ASTN2: variants seen among roughly 807,000 people sequenced by gnomAD.
ASTN2 encodes the protein astrotactin 2.
Under a neutral mutation model 139.8 loss-of-function variants are expected in ASTN2, and 54 were observed. That is an observed-to-expected ratio of 0.39 (90% CI 0.31 to 0.48). The LOEUF (loss-of-function observed/expected upper bound fraction) is 0.48. Ranked by LOEUF, ASTN2 falls within the 20% of genes least tolerant of loss-of-function variation. ASTN2 has a pLI of 0.95. For missense variants in ASTN2, 1,565 were observed against 1,725.1 expected, an observed-to-expected ratio of 0.91 and a Z score of 1.64; for synonymous variants, 756 against 719.5, an observed-to-expected ratio of 1.05 and a Z score of -0.81.
intron 16 of ASTN2, among the ~76,000 whole-genome samples, chr9:116,715,534 C>CA (rs1828288778): frequency 6.6e-6 from 1 of 152,096 alleles, no homozygotes; most frequent in Admixed American, 6.6e-5. Flanking sequence ...TCTTTTCCTC[C>CA]AGGAAGACTT....
At chr9:117,071,323 G>T (rs1387469868) in intron 5 of ASTN2, among the ~76,000 whole-genome samples, 1 of 151,804 alleles carries the variant, frequency 6.6e-6, no homozygotes, top group South Asian at 2.1e-4. Context: ...TAGGCTGCTC[G>T]GGGGTCAGGG....
intron 3 of ASTN2, among the ~76,000 whole-genome samples, chr9:117,161,110 T>A (rs1830540800): frequency 6.6e-6 from 1 of 152,064 alleles, no homozygotes; most frequent in Non-Finnish European, 1.5e-5. Flanking sequence ...TGCCAGAATA[T>A]CTCAAGTCTC....
Position 116,618,609 on chromosome 9 carries a change from C to CA in ASTN2, c.3207-138dup. On this transcript the variant is annotated intron_variant, in intron 18 of 22. Coordinates refer to ENST00000313400, the MANE Select transcript of ASTN2 (RefSeq NM_001365068.1). ...GATTCCACCCATGATCGCCAACTTG[C>CA]ATGACCGTAGGCAAGTTATTTCCCC... 2.9e-6 allele frequency: 3 copies of CA among 1,047,386 alleles called. No homozygotes were observed. The South Asian group carries it at 5.4e-5, about 19-fold the overall frequency. The allele number at this position is 1,047,386 out of a possible 1,614,324, so 64.9% of individuals were successfully genotyped here.
At chr9:117,335,961 C>T (rs569756339) in intron 1 of ASTN2, among the ~76,000 whole-genome samples, 1 of 151,120 alleles carries the variant, frequency 6.6e-6, no homozygotes, top group Admixed American at 6.6e-5. Flanking sequence ...TTTAGCAATG[C>T]TCATAAATCC....
intron 4 of ASTN2, among the ~76,000 whole-genome samples, chr9:117,115,486 G>A (rs1286129234): frequency 6.6e-6 from 1 of 152,080 alleles, no homozygotes; most frequent in African/African-American, 2.4e-5. Context: ...TCATGCCACT[G>A]TACTCCAGCC....
At chr9:116,535,429 G>A (rs184019138) in intron 19 of ASTN2, among the ~76,000 whole-genome samples, 7 of 152,228 alleles carry the variant, frequency 4.6e-5, no homozygotes, top group East Asian at 3.9e-4. Flanking sequence ...TATTTTGTTT[G>A]TTAGTTGATG....
chr9:117,172,965 G>A (rs940596993), intron 3 of ASTN2, among the ~76,000 whole-genome samples: 4 of 151,990 alleles, frequency 2.6e-5, no homozygotes, highest in Non-Finnish European at 2.9e-5. Flanking sequence ...CTAAGCATTC[G>A]CAGTTACCTA....
At chr9:116,623,147 CTGTGTGTGTGTG>C (rs10527124) in intron 17 of ASTN2, among the ~76,000 whole-genome samples, 8,256 of 137,066 alleles carry the variant, frequency 0.06, 266 homozygotes, top group African/African-American at 0.064. Flanking sequence ...AGAGCATACT[CTGTGTGTGTGTG>C]TGTGTGTGTG....
chr9:117,060,395 A>C (rs1218659654), intron 5 of ASTN2, among the ~76,000 whole-genome samples: 1 of 79,018 alleles, frequency 1.3e-5, no homozygotes, highest in Non-Finnish European at 2.4e-5. Flanking sequence ...AGAAAGAAAG[A>C]AAGAAAGAAA....
intron 20 of ASTN2, among the ~76,000 whole-genome samples, chr9:116,480,907 C>A (rs974963342): frequency 6.6e-6 from 1 of 152,156 alleles, no homozygotes; most frequent in Non-Finnish European, 1.5e-5. Flanking sequence ...GGCCATCCCA[C>A]GTGTCACTGC....
At chr9:117,102,598 C>T (rs1481166097) in intron 4 of ASTN2, among the ~76,000 whole-genome samples, 6 of 152,184 alleles carry the variant, frequency 3.9e-5, no homozygotes, top group Admixed American at 1.3e-4. Context: ...TCTCAGCTCA[C>T]TTCAACCTCT....
chr9:117,344,221 G>C (rs1829147907), intron 1 of ASTN2, among the ~76,000 whole-genome samples: 1 of 152,088 alleles, frequency 6.6e-6, no homozygotes, highest in Non-Finnish European at 1.5e-5. Context: ...GCATTAACAG[G>C]AGAATATTAA....
chr9:117,242,004 C>CT lies in ASTN2; in HGVS notation c.631-27263dup, dbSNP rs10579284. Among the ~76,000 whole-genome samples the CT allele has an allele frequency of 2.3e-3, 96 of 42,494 alleles. 3 individuals are homozygous for CT. Among genetic ancestry groups the CT allele is most frequent in the African/African-American group, 8.2e-3 (91 of 11,164 alleles). The allele number at this position is 42,494 out of a possible 152,430, so 27.9% of individuals were successfully genotyped here. A position where few individuals can be genotyped will look rare whatever the true frequency, so the allele number is the denominator to read the frequency against. On this transcript the variant is annotated intron_variant, in intron 2 of 22. Coordinates refer to ENST00000313400, the MANE Select transcript of ASTN2 (RefSeq NM_001365068.1). The stretch of plus-strand genomic sequence containing the variant: ...ACAGTGAAAACTTTCTTTGGCAAGT[C>CT]TTTTTTTTTTTTTTTTTTTTTTTTT...
intron 5 of ASTN2, among the ~76,000 whole-genome samples, chr9:117,051,437 C>G (rs1336759191): frequency 6.6e-6 from 1 of 152,124 alleles, no homozygotes; most frequent in Non-Finnish European, 1.5e-5. Context: ...ATCTAGATAT[C>G]AGAGCTCCTA....
chr9:117,067,689 G>T (rs1827993894), intron 5 of ASTN2, among the ~76,000 whole-genome samples: 1 of 127,328 alleles, frequency 7.9e-6, no homozygotes, highest in Non-Finnish European at 1.7e-5. Flanking sequence ...TCCTTGAGCA[G>T]TGGTTTGTAG....
At chr9:117,130,590 C>A (rs1829804576) in intron 4 of ASTN2, among the ~76,000 whole-genome samples, 1 of 152,106 alleles carries the variant, frequency 6.6e-6, no homozygotes, top group South Asian at 2.1e-4. Context: ...TGGGATGAAT[C>A]TTAATTTTTT....
intron 14 of ASTN2, among the ~76,000 whole-genome samples, chr9:116,731,733 T>C (rs903796122): frequency 2.6e-5 from 4 of 152,110 alleles, no homozygotes; most frequent in African/African-American, 9.7e-5. Flanking sequence ...CCATACCCTA[T>C]ATTTTAGAGG....
At chr9:116,665,462 A>C (rs909021312) in intron 16 of ASTN2, among the ~76,000 whole-genome samples, 1 of 152,324 alleles carries the variant, frequency 6.6e-6, no homozygotes, top group Admixed American at 6.5e-5. Context: ...CTTTGAAAAA[A>C]TAAAAACATT....
intron 1 of ASTN2, among the ~76,000 whole-genome samples, chr9:117,292,493 T>C (rs1834618911): frequency 6.6e-6 from 1 of 152,184 alleles, no homozygotes; most frequent in African/African-American, 2.4e-5. Context: ...TATGCATGAA[T>C]ACAAGAGAAG....
Sources: allele counts gnomAD v4.1 joint callset (sites outside exome capture counted in the v4.1 genomes callset), GRCh38; gene constraint gnomAD v4.1.1; transcripts MANE v1.5; gene names NCBI Gene and HGNC (gene_info 2026-07-23, HGNC 2026-07-21).